The following GNAO1 variants were observed in gnomAD, a reference collection of about 807,000 sequenced individuals.
GNAO1 encodes the protein guanine nucleotide-binding protein G(o) subunit alpha.
For missense variants in GNAO1, 166 were observed against 478.7 expected (o/e 0.35, Z 6.10); for synonymous variants, 164 against 180.7 (o/e 0.91, Z 0.74).
intron 2 of GNAO1, among the ~76,000 whole-genome samples, chr16:56,206,914 G>T (rs1414423062): frequency 6.6e-6 from 1 of 152,194 alleles, no homozygotes; most frequent in Non-Finnish European, 1.5e-5. Context: ...CCAGCTTATT[G>T]ATGTGTGTTC....
At chr16:56,257,323 A>G (rs1445489542) in intron 2 of GNAO1, among the ~76,000 whole-genome samples, 5 of 152,206 alleles carry the variant, frequency 3.3e-5, no homozygotes, top group Admixed American at 1.3e-4. Context: ...CCCTTTGCCA[A>G]CCAATGCAGA....
At chr16:56,279,347 G>C (rs978520227) in intron 3 of GNAO1, among the ~76,000 whole-genome samples, 2 of 152,142 alleles carry the variant, frequency 1.3e-5, no homozygotes, top group Non-Finnish European at 2.9e-5. Flanking sequence ...GTGACTGTGC[G>C]TGAGCCTGAA....
At chr16:56,258,503 T>C (rs1405666689) in intron 2 of GNAO1, among the ~76,000 whole-genome samples, 5 of 152,210 alleles carry the variant, frequency 3.3e-5, no homozygotes, top group African/African-American at 1.2e-4. Context: ...TTATGGGTAG[T>C]GGCACACCAC....
intron 2 of GNAO1, among the ~76,000 whole-genome samples, chr16:56,248,495 C>T (rs2036770319): frequency 6.6e-6 from 1 of 152,196 alleles, no homozygotes; most frequent in South Asian, 2.1e-4. Context: ...ATGATAACAG[C>T]TGTGGGTGAG....
intron 4 of GNAO1, among the ~76,000 whole-genome samples, chr16:56,331,559 C>A (rs765826573): frequency 5.9e-5 from 9 of 152,072 alleles, no homozygotes; most frequent in Non-Finnish European, 1.2e-4. Context: ...TACCTGGTAC[C>A]TCCTTTCACT....
chr16:56,314,026 T>C (rs1432508290), intron 3 of GNAO1, among the ~76,000 whole-genome samples: 3 of 152,256 alleles, frequency 2.0e-5, no homozygotes, highest in Admixed American at 1.3e-4. Flanking sequence ...TCTCTTACTA[T>C]GAATGATTTT....
At chr16:56,270,620 A>T (rs750072304) in intron 2 of GNAO1, 3 of 152,122 alleles carry the variant, frequency 2.0e-5, no homozygotes, top group Non-Finnish European at 4.4e-5. Context: ...GATAGGTGAG[A>T]TGTGGTGCTT....
chr16:56,258,233 T>C (rs1474218076), intron 2 of GNAO1, among the ~76,000 whole-genome samples: 1 of 152,092 alleles, frequency 6.6e-6, no homozygotes, highest in Non-Finnish European at 1.5e-5. Context: ...ATGAGTGGGG[T>C]TCTGTTTTAG....
intron 5 of GNAO1, 82 bp downstream of exon 5, chr16:56,334,939 G>A (rs2037726421): frequency 4.8e-6 from 7 of 1,452,148 alleles, no homozygotes; most frequent in African/African-American, 2.8e-5. Flanking sequence ...CGTTTACAGC[G>A]CCCAAACATC....
rs11860967 is a variant in GNAO1, at chr16:56,220,617, G to A, written c.161+28001G>A. Among the ~76,000 whole-genome samples, 95 of 152,282 alleles carry A rather than the reference G, an allele frequency of 6.2e-4. 1 individual carries two copies. The highest frequency in any genetic ancestry group is 2.2e-3 in the African/African-American group (92 of 41,566). On this transcript the variant is annotated intron_variant, in intron 2 of 8. Transcript: ENST00000262493. ...GGGGGTTGCTGTGGTTTGAATGTGC[G>A]TCCCCTACAAAATTCATGTAGAAAC...
intron 2 of GNAO1, among the ~76,000 whole-genome samples, chr16:56,264,867 T>C (rs1205486394): frequency 1.3e-5 from 2 of 150,820 alleles, no homozygotes; most frequent in Admixed American, 1.3e-4. Flanking sequence ...AATTAATAAT[T>C]ACTAAAGTGG....
intron 3 of GNAO1, among the ~76,000 whole-genome samples, chr16:56,313,926 G>T (rs571086089): frequency 6.6e-6 from 1 of 151,708 alleles, no homozygotes; most frequent in African/African-American, 2.4e-5. Flanking sequence ...TTATAGAGAC[G>T]GGGTCTCACT....
chr16:56,249,141 T>G (rs1176413530), intron 2 of GNAO1, among the ~76,000 whole-genome samples: 1 of 152,046 alleles, frequency 6.6e-6, no homozygotes, highest in African/African-American at 2.4e-5. Context: ...CCTTTCATAT[T>G]GAATGTAGGT....
At chr16:56,256,712 C>CTGTGTGTGTG (rs1449657710) in intron 2 of GNAO1, among the ~76,000 whole-genome samples, 1 of 115,934 alleles carries the variant, frequency 8.6e-6, no homozygotes, top group African/African-American at 3.5e-5. Flanking sequence ...CTCTCTCTCT[C>CTGTGTGTGTG]TCTCTCTGTG....
chr16:56,197,711 A>G (rs2036246522), intron 2 of GNAO1, among the ~76,000 whole-genome samples: 1 of 152,218 alleles, frequency 6.6e-6, no homozygotes, highest in African/African-American at 2.4e-5. Context: ...CGATGCTCAG[A>G]GTGGGAGTGT....
chr16:56,297,313 C>T (rs1482046242), intron 3 of GNAO1, among the ~76,000 whole-genome samples: 4 of 152,146 alleles, frequency 2.6e-5, no homozygotes, highest in Non-Finnish European at 4.4e-5. Flanking sequence ...ACAGCAAGCT[C>T]ATGAGCCGGC....
chr16:56,340,045 G>A (rs567786941), intron 6 of GNAO1, among the ~76,000 whole-genome samples: 20 of 152,300 alleles, frequency 1.3e-4, no homozygotes, highest in Admixed American at 2.6e-4. Context: ...CTGTGAGCCC[G>A]CACCGGGCTC....
At chr16:56,340,576 C>A in intron 6 of GNAO1, 1 of 462,772 alleles carries the variant, frequency 2.2e-6, no homozygotes, top group Non-Finnish European at 3.9e-6. Flanking sequence ...GGGGCCAGCT[C>A]TCTTTGGAAG....
chr16:56,221,967 A>G (rs1005266535), intron 2 of GNAO1, among the ~76,000 whole-genome samples: 1 of 152,192 alleles, frequency 6.6e-6, no homozygotes, highest in East Asian at 1.9e-4. Flanking sequence ...CTCTGCTTCT[A>G]TGCAGGGATG....
Sources: gnomAD v4.1 joint callset for allele counts (sites outside exome capture counted in the v4.1 genomes callset) on GRCh38, gnomAD v4.1.1 for gene constraint, MANE v1.5 for transcripts, NCBI Gene and HGNC (gene_info 2026-07-23, HGNC 2026-07-21) for gene names.